CRADD: variants seen among roughly 807,000 people sequenced by gnomAD.
CRADD encodes the protein death domain-containing protein CRADD.
In CRADD, 9 loss-of-function variants were observed where a neutral mutation model predicts 15.5. The ratio of observed to expected loss-of-function variants is 0.58; its 90% confidence interval spans 0.35 to 1.01. CRADD has a LOEUF of 1.01. CRADD is among the 50% of genes least tolerant of loss of function. The pLI is 0.02. For synonymous variants in CRADD, 118 were observed against 107.6 expected (o/e 1.10, Z -0.60); for missense variants, 227 against 250.3 (o/e 0.91, Z 0.63).
rs766719277 is a variant in CRADD at position 93,850,043 on chromosome 12, C to A, written c.372C>A (p.Ala124=). 1.2e-6 allele frequency: 2 copies of A among 1,611,574 alleles called. No homozygotes were observed. Reference sequence around the variant, plus strand: ...CAGACCGGCAGATTAACCAGCTGGCCCAGAGGCTGGGCCCTGAGTGGGAGC... The same window carrying A: ...CAGACCGGCAGATTAACCAGCTGGCACAGAGGCTGGGCCCTGAGTGGGAGC... ...SPSDRQINQL[A]QRLGPEWEPM... is the part of the protein sequence containing the mutation. The change falls in exon 3 of 3, where the codon GCC becomes GCA. Residue 124 remains alanine, a synonymous_variant. Transcript: ENST00000332896. The surrounding 1 kb of genome is among the most constrained non-coding windows in gnomAD (Gnocchi z 4.0).
chr12:93,763,079 T>C (rs1281080883), intron 2 of CRADD, among the ~76,000 whole-genome samples: 1 of 152,248 alleles, frequency 6.6e-6, no homozygotes, highest in Non-Finnish European at 1.5e-5. Context: ...ACTTCACATC[T>C]GTTTTCTCAC....
At chr12:93,773,599 G>C (rs947632711) in intron 2 of CRADD, among the ~76,000 whole-genome samples, 15 of 151,962 alleles carry the variant, frequency 9.9e-5, no homozygotes, top group Non-Finnish European at 7.4e-5. Context: ...GGAGGGCTTT[G>C]CTTCATGCAG....
intron 2 of CRADD, among the ~76,000 whole-genome samples, chr12:93,810,403 T>C (rs1957609910): frequency 2.0e-5 from 3 of 151,392 alleles, no homozygotes; most frequent in Admixed American, 6.6e-5. Flanking sequence ...ATAAAAAAAT[T>C]AGCTGGGCAT....
chr12:93,792,710 C>T lies in CRADD; in HGVS notation c.299-57260C>T, dbSNP rs539226738. ...CTCATTTAAATATATGAAGTAGATG[C>T]TATTATAATCCCCAATTACAGACGA... is the stretch of plus-strand genomic sequence containing the variant. On this transcript the variant is annotated intron_variant, in intron 2 of 2. Transcript: ENST00000332896. Among the ~76,000 whole-genome samples, 9 of 152,238 alleles carry T rather than the reference C, an allele frequency of 5.9e-5. No individual in the cohort carries two copies. The East Asian group carries it at 1.7e-3, about 29-fold the overall frequency.
intron 2 of CRADD, among the ~76,000 whole-genome samples, chr12:93,830,121 C>T (rs1222167777): frequency 2.6e-5 from 4 of 152,154 alleles, no homozygotes; most frequent in Admixed American, 6.5e-5. Context: ...GGAGCTCAGG[C>T]GTGGCAGAGA....
At chr12:93,894,202 C>T (rs1958596538) in exon 3 of CRADD, 4 of 695,898 alleles carry the variant, frequency 5.7e-6, no homozygotes, top group Non-Finnish European at 1.1e-5. Flanking sequence ...GGCGATTTTG[C>T]CTTCCAGGGG....
At chr12:93,778,494 A>T (rs1024380035) in intron 2 of CRADD, among the ~76,000 whole-genome samples, 3 of 152,142 alleles carry the variant, frequency 2.0e-5, no homozygotes, top group Non-Finnish European at 2.9e-5. Context: ...AGACTTAGAG[A>T]TTTTACTTTG....
intron 2 of CRADD, among the ~76,000 whole-genome samples, chr12:93,692,262 T>C (rs530351892): frequency 6.6e-6 from 1 of 152,262 alleles, no homozygotes; most frequent in Non-Finnish European, 1.5e-5. Context: ...ATTTGAATAA[T>C]AGGAGTTAAG....
At chr12:93,713,519 C>CTTAA (rs1956110551) in intron 2 of CRADD, among the ~76,000 whole-genome samples, 2 of 152,244 alleles carry the variant, frequency 1.3e-5, no homozygotes, top group South Asian at 4.1e-4. Flanking sequence ...GATCTACATA[C>CTTAA]AGCCTCCTGT....
intron 2 of CRADD, among the ~76,000 whole-genome samples, chr12:93,716,186 C>CT (rs1956160035): frequency 6.6e-6 from 1 of 151,128 alleles, no homozygotes; most frequent in African/African-American, 2.4e-5. Flanking sequence ...TGAAGATGGT[C>CT]TTATAAAGTT....
At chr12:93,846,220 G>C (rs1958113763) in intron 2 of CRADD, among the ~76,000 whole-genome samples, 1 of 152,152 alleles carries the variant, frequency 6.6e-6, no homozygotes, top group South Asian at 2.1e-4. Flanking sequence ...TGGCTATTGT[G>C]AATAACGCTG....
At chr12:93,698,836 G>A (rs1267609022) in intron 2 of CRADD, among the ~76,000 whole-genome samples, 3 of 152,182 alleles carry the variant, frequency 2.0e-5, no homozygotes, top group South Asian at 2.1e-4. Context: ...AAATTTCAGT[G>A]TCTATAAATA....
chr12:93,869,639 C>A (rs1462933676), intron 2 of CRADD, among the ~76,000 whole-genome samples: 3 of 151,904 alleles, frequency 2.0e-5, no homozygotes, highest in Non-Finnish European at 4.4e-5. Context: ...AAATACAATA[C>A]CTGAAATGAA....
chr12:93,799,031 A>G (rs1262552374), intron 2 of CRADD, among the ~76,000 whole-genome samples: 1 of 151,810 alleles, frequency 6.6e-6, no homozygotes, highest in Non-Finnish European at 1.5e-5. Flanking sequence ...GGAGGAGAAG[A>G]AGGGAGGGAA....
chr12:93,792,162 T>C (rs138630997), intron 2 of CRADD, among the ~76,000 whole-genome samples: 41 of 152,296 alleles, frequency 2.7e-4, no homozygotes, highest in African/African-American at 8.7e-4. Context: ...TAACTCATTT[T>C]TGAAAAATAG....
intron 2 of CRADD, among the ~76,000 whole-genome samples, chr12:93,747,509 G>A (rs909068646): frequency 2.0e-5 from 3 of 149,926 alleles, no homozygotes; most frequent in African/African-American, 7.4e-5. Context: ...TGCCCAGGCT[G>A]GAGTGCAGTG....
chr12:93,894,227 C>T, exon 3 of CRADD: 2 of 538,746 alleles, frequency 3.7e-6, no homozygotes, highest in South Asian at 1.6e-5. Flanking sequence ...TTGACAATGT[C>T]TGGAGGCGTT....
downstream of CRADD, among the ~76,000 whole-genome samples, chr12:93,853,632 G>A (rs1009316394): frequency 1.2e-4 from 18 of 152,150 alleles, no homozygotes; most frequent in Non-Finnish European, 2.2e-4. Flanking sequence ...GCAAAGTTTA[G>A]CACAGTCTGG....
intron 2 of CRADD, among the ~76,000 whole-genome samples, chr12:93,787,873 T>C (rs1377739874): frequency 6.6e-6 from 1 of 152,214 alleles, no homozygotes; most frequent in East Asian, 1.9e-4. Flanking sequence ...GGTGAGGCCA[T>C]GAGCATGCTT....
Sources: allele counts gnomAD v4.1 joint callset (sites outside exome capture counted in the v4.1 genomes callset), GRCh38; gene constraint gnomAD v4.1.1; non-coding constraint Gnocchi (gnomAD v3.1); transcripts MANE v1.5; gene names NCBI Gene and HGNC (gene_info 2026-07-23, HGNC 2026-07-21).